LRFN5: variants seen among roughly 807,000 people sequenced by gnomAD.
The protein encoded by LRFN5 is leucine rich repeat and fibronectin type III domain containing 5, also known as leucine-rich repeat and fibronectin type-III domain-containing protein 5.
LRFN5 carries 24 observed loss-of-function variants against 45.6 expected under a neutral mutation model. The ratio of observed to expected loss-of-function variants is 0.53; its 90% CI spans 0.38 to 0.74. The LOEUF is 0.74. Ranked by LOEUF, LRFN5 falls within the 30% of genes least tolerant of loss-of-function variation. The pLI is 0.00. For synonymous variants in LRFN5, 340 were observed against 313.8 expected (o/e 1.08, Z -0.88); for missense variants, 776 against 861.5 (o/e 0.90, Z 1.24).
chr14:41,898,217 T>C (rs1011301661), intron 4 of LRFN5, among the ~76,000 whole-genome samples: 2 of 152,072 alleles, frequency 1.3e-5, no homozygotes, highest in Admixed American at 6.6e-5. Flanking sequence ...ATGTGTCACT[T>C]CTCAATGATT....
At chr14:41,769,182 A>T (rs1336363537) in intron 2 of LRFN5, among the ~76,000 whole-genome samples, 1 of 152,192 alleles carries the variant, frequency 6.6e-6, no homozygotes, top group Middle Eastern at 3.2e-3. Context: ...CCCTTTAAAA[A>T]TTAATGGAAT....
At position 41,863,157 on chromosome 14, in the gene LRFN5, G is replaced by A. The variant is rs951064396; in HGVS notation, c.-20-23449G>A. On this transcript the variant is annotated intron_variant, in intron 2 of 5. Transcript: ENST00000298119. ...TGGGATTATAGGCGTGAGCCACCACGCCCAGCCTAAGTCTCTTCTTAATCA... is the reference window on the plus strand; with the variant it reads ...TGGGATTATAGGCGTGAGCCACCACACCCAGCCTAAGTCTCTTCTTAATCA... Among the ~76,000 whole-genome samples, 4 of 152,242 alleles carry A rather than the reference G, an allele frequency of 2.6e-5. No homozygotes were observed. The East Asian group carries it at 5.8e-4, about 22-fold the overall frequency.
chr14:41,649,139 T>C (rs1387086581), intron 1 of LRFN5, among the ~76,000 whole-genome samples: 1 of 151,488 alleles, frequency 6.6e-6, no homozygotes, highest in East Asian at 2.0e-4. Flanking sequence ...AAGGCTGAGG[T>C]GGGGAGAATT....
intron 2 of LRFN5, among the ~76,000 whole-genome samples, chr14:41,817,762 C>T (rs28650052): frequency 0.018 from 2,728 of 152,114 alleles, 51 homozygotes; most frequent in South Asian, 0.061. Context: ...AGATAAACTC[C>T]GGGGGGTAAA....
At position 41,887,956 on chromosome 14, in the gene LRFN5, T is replaced by C. The variant is rs776589283; in HGVS notation, c.1331T>C (p.Ile444Thr). The part of the protein sequence containing the change: ...KFNFQRNIPG[I>T]RMFQIQYNGT... ...AATTTTCAAAGAAATATCCCTGGAA[T>C]ACGTATGTTTCAAATCCAGTACAAT... Residue 444 changes from isoleucine to threonine, a missense_variant, in exon 3 of 6, where the codon ATA becomes ACA. This residue lies in a region of LRFN5 where 465 missense variants were observed against 456.4 expected (regional missense o/e 1.02). Coordinates refer to ENST00000298119, the MANE Select transcript of LRFN5 (RefSeq NM_152447.5). This position sits in a 1 kb window ranked among gnomAD's most constrained non-coding sequence, Gnocchi z 4.8. 1 of 1,613,700 alleles carries C rather than the reference T, an allele frequency of 6.2e-7. No individual in the cohort carries two copies. Among genetic ancestry groups the C allele is most frequent in the Admixed American group, 1.7e-5 (1 of 60,006 alleles).
chr14:41,690,915 T>C (rs1022311598), intron 1 of LRFN5, among the ~76,000 whole-genome samples: 1 of 152,102 alleles, frequency 6.6e-6, no homozygotes, highest in African/African-American at 2.4e-5. Context: ...GTGTGAACTC[T>C]TGTTTATATT....
At chr14:41,661,200 T>C (rs1209358398) in intron 1 of LRFN5, among the ~76,000 whole-genome samples, 1 of 151,872 alleles carries the variant, frequency 6.6e-6, no homozygotes, top group East Asian at 1.9e-4. Flanking sequence ...AATCTCATCT[T>C]ATTGAAATAT....
intron 2 of LRFN5, among the ~76,000 whole-genome samples, chr14:41,788,187 T>C (rs1886796502): frequency 6.6e-6 from 1 of 152,136 alleles, no homozygotes; most frequent in Admixed American, 6.6e-5. Context: ...ATTTTATTTA[T>C]TGTGCTAGAG....
At chr14:41,721,510 GC>G (rs1474241242) in intron 1 of LRFN5, among the ~76,000 whole-genome samples, 2 of 152,036 alleles carry the variant, frequency 1.3e-5, no homozygotes, top group Admixed American at 6.5e-5. Flanking sequence ...CAGGTATCAT[GC>G]TTTCATTTCC....
intron 2 of LRFN5, among the ~76,000 whole-genome samples, chr14:41,775,093 C>CTTTTTCTT (rs1308711451): frequency 2.5e-4 from 28 of 112,484 alleles, no homozygotes; most frequent in African/African-American, 7.0e-4. Context: ...TTTTCTTTTT[C>CTTTTTCTT]TTTTTTTTTT....
chr14:41,828,870 G>A (rs1888383667), intron 2 of LRFN5, among the ~76,000 whole-genome samples: 1 of 151,840 alleles, frequency 6.6e-6, no homozygotes, highest in Non-Finnish European at 1.5e-5. Context: ...AGACTTACCT[G>A]ATGCAATTTC....
intron 2 of LRFN5, among the ~76,000 whole-genome samples, chr14:41,796,308 T>TGAATA (rs1887130114): frequency 6.6e-6 from 1 of 151,974 alleles, no homozygotes; most frequent in South Asian, 2.1e-4. Flanking sequence ...ATTCATAAAC[T>TGAATA]TGTTATTCAG....
At chr14:41,671,230 T>A (rs1594599783) in intron 1 of LRFN5, among the ~76,000 whole-genome samples, 1 of 152,240 alleles carries the variant, frequency 6.6e-6, no homozygotes, top group African/African-American at 2.4e-5. Flanking sequence ...GTTCTCAATA[T>A]CGTAATCATC....
chr14:41,812,010 G>A (rs527707049), intron 2 of LRFN5, among the ~76,000 whole-genome samples: 9 of 151,978 alleles, frequency 5.9e-5, no homozygotes, highest in Non-Finnish European at 1.2e-4. Context: ...ATTCTTTATA[G>A]CATAACATCT....
At chr14:41,759,323 A>G (rs1202923775) in intron 1 of LRFN5, among the ~76,000 whole-genome samples, 1 of 152,054 alleles carries the variant, frequency 6.6e-6, no homozygotes. Context: ...TTAACTATCT[A>G]TGAATCTAAT....
At chr14:41,808,378 AGAAG>A (rs1158210879) in intron 2 of LRFN5, among the ~76,000 whole-genome samples, 1 of 66,152 alleles carries the variant, frequency 1.5e-5, no homozygotes, top group African/African-American at 6.3e-5. Flanking sequence ...AGGAAGGGAA[AGAAG>A]GAAGGAAGGA....
chr14:41,617,271 A>G (rs565029591), intron 1 of LRFN5, among the ~76,000 whole-genome samples: 9 of 152,186 alleles, frequency 5.9e-5, no homozygotes, highest in East Asian at 1.9e-4. Flanking sequence ...TCTGTACTCT[A>G]TGCACTAACC....
chr14:41,625,109 A>G (rs558601436), intron 1 of LRFN5, among the ~76,000 whole-genome samples: 3 of 152,194 alleles, frequency 2.0e-5, no homozygotes, highest in Non-Finnish European at 2.9e-5. Context: ...ATATTTAAAG[A>G]TAAATAATGA....
At chr14:41,795,089 T>A (rs903741072) in intron 2 of LRFN5, among the ~76,000 whole-genome samples, 12 of 151,988 alleles carry the variant, frequency 7.9e-5, no homozygotes, top group Admixed American at 3.9e-4. Context: ...TAGGTTAAAA[T>A]TTATGCTTTA....
Sources: gnomAD v4.1 joint callset for allele counts (sites outside exome capture counted in the v4.1 genomes callset) on GRCh38, gnomAD v4.1.1 for gene constraint, gnomAD v4.1.1 regional missense constraint, Gnocchi (gnomAD v3.1) non-coding constraint, MANE v1.5 for transcripts, NCBI Gene and HGNC (gene_info 2026-07-23, HGNC 2026-07-21) for gene names.